The following DLG2 variants were observed in gnomAD, a reference collection of about 807,000 sequenced individuals.
DLG2 encodes discs large MAGUK scaffold protein 2, also known as disks large homolog 2.
Under a neutral mutation model 132.5 loss-of-function variants are expected in DLG2, and 45 were observed. The ratio of observed to expected loss-of-function variants is 0.34; its 90% CI spans 0.27 to 0.44. The LOEUF (loss-of-function observed/expected upper bound fraction) is 0.44, where lower values mean the gene tolerates loss of function less well. DLG2 is among the 20% of genes least tolerant of loss of function. The probability of loss-of-function intolerance (pLI) is 1.00; values close to 1 mark genes in which losing one functional copy is unlikely to be tolerated. For missense variants in DLG2, 1,045 were observed against 1,196.9 expected (o/e 0.87, Z 1.87); for synonymous variants, 424 against 419.6 (o/e 1.01, Z -0.13).
At chr11:84,830,978 T>C (rs1004776781) in intron 6 of DLG2, among the ~76,000 whole-genome samples, 1 of 95,420 alleles carries the variant, frequency 1.0e-5, no homozygotes, top group South Asian at 4.0e-4. Context: ...GCTCTGTCTC[T>C]ATTTCTTTTC....
chr11:85,208,771 C>T (rs574294457), intron 4 of DLG2, among the ~76,000 whole-genome samples: 132 of 152,136 alleles, frequency 8.7e-4, no homozygotes, highest in Non-Finnish European at 1.4e-3. Context: ...ACCAGGGAGT[C>T]CTTAGTAAGA....
intron 19 of DLG2, among the ~76,000 whole-genome samples, chr11:83,629,708 T>A (rs1194578927): frequency 1.3e-5 from 2 of 152,138 alleles, no homozygotes; most frequent in Non-Finnish European, 2.9e-5. Context: ...GAAAAGGATA[T>A]TTTAGAGTAG....
At chr11:84,779,177 C>CAG (rs2071236696) in intron 6 of DLG2, among the ~76,000 whole-genome samples, 1 of 148,650 alleles carries the variant, frequency 6.7e-6, no homozygotes, top group Admixed American at 6.8e-5. Context: ...TTCCCTTTCT[C>CAG]ATATATATAT....
intron 6 of DLG2, chr11:84,800,715 T>C (rs1174828561): frequency 6.6e-6 from 1 of 152,200 alleles, no homozygotes; most frequent in Non-Finnish European, 1.5e-5. Flanking sequence ...GTTTGTCTAA[T>C]TTATGGTTTC....
intron 21 of DLG2, among the ~76,000 whole-genome samples, chr11:83,523,151 A>G (rs1242637119): frequency 6.6e-6 from 1 of 152,312 alleles, no homozygotes; most frequent in South Asian, 2.1e-4. Context: ...CTGTAGGCCT[A>G]TTACTACAGA....
intron 18 of DLG2, among the ~76,000 whole-genome samples, chr11:83,762,326 C>T (rs1343064507): frequency 1.3e-5 from 2 of 152,220 alleles, no homozygotes; most frequent in Non-Finnish European, 2.9e-5. Context: ...CTTTCTGATG[C>T]TATGTGACAG....
In DLG2 at chr11:85,009,699, A is replaced by C. The variant is rs892919993; in HGVS notation, c.357+101962T>G. Among the ~76,000 whole-genome samples the C allele has an allele frequency of 3.3e-5, 5 of 152,118 alleles. No homozygotes were observed. In the East Asian group the frequency reaches 7.7e-4, roughly 23 times the overall value. On this transcript the variant is annotated intron_variant, in intron 6 of 27. Coordinates refer to ENST00000376104, the MANE Select transcript of DLG2 (RefSeq NM_001142699.3). ...GGATGTATATCAATTCCAGTTATACAAACGCCAAGAAGCTTATTTTAAACG... is the reference window on the plus strand; with the variant it reads ...GGATGTATATCAATTCCAGTTATACCAACGCCAAGAAGCTTATTTTAAACG...
chr11:85,340,685 C>T (rs139640745), intron 3 of DLG2, among the ~76,000 whole-genome samples: 95 of 152,196 alleles, frequency 6.2e-4, no homozygotes, highest in Non-Finnish European at 1.2e-3. Context: ...TAGCCCTTTG[C>T]CTGTGGTACA....
At chr11:84,403,637 C>T (rs543839211) in intron 7 of DLG2, among the ~76,000 whole-genome samples, 50 of 152,272 alleles carry the variant, frequency 3.3e-4, no homozygotes, top group Admixed American at 7.8e-4. Flanking sequence ...CCTTCAATGA[C>T]GCCTACTAGC....
chr11:85,564,800 A>C (rs2077439772), intron 3 of DLG2, among the ~76,000 whole-genome samples: 1 of 152,028 alleles, frequency 6.6e-6, no homozygotes, highest in African/African-American at 2.4e-5. Context: ...ATTTTGGTTG[A>C]CATTGCATAG....
At chr11:84,364,956 T>C (rs542872114) in intron 7 of DLG2, among the ~76,000 whole-genome samples, 7 of 152,282 alleles carry the variant, frequency 4.6e-5, no homozygotes, top group African/African-American at 1.4e-4. Flanking sequence ...TCATCAAGGA[T>C]ATTGGTCTAA....
intron 6 of DLG2, among the ~76,000 whole-genome samples, chr11:84,658,629 C>T (rs2099691031): frequency 6.6e-6 from 1 of 152,054 alleles, no homozygotes; most frequent in African/African-American, 2.4e-5. Flanking sequence ...TGAGTTAGTT[C>T]TCACTCTATT....
intron 19 of DLG2, among the ~76,000 whole-genome samples, chr11:83,608,733 C>CAGAGAG (rs35163308): frequency 6.7e-6 from 1 of 149,468 alleles, no homozygotes; most frequent in Non-Finnish European, 1.5e-5. Context: ...CGCACACACA[C>CAGAGAG]AGAGAGAGAG....
rs955553171 is a variant in DLG2 at position 83,826,056 on chromosome 11, A to G, written c.1722+7558T>C. Among the ~76,000 whole-genome samples, 31 of 151,064 alleles carry G rather than the reference A, an allele frequency of 2.1e-4. 1 individual carries two copies. Among genetic ancestry groups the G allele is most frequent in the African/African-American group, 6.6e-4 (27 of 40,860 alleles). On this transcript the variant is annotated intron_variant, in intron 17 of 27. Coordinates refer to ENST00000376104, the MANE Select transcript of DLG2 (RefSeq NM_001142699.3). ...CTGCAAAATTCTGTGGGCTGTGTTA[A>G]CAATTTTAGGCTTTAAGAACAGCAG...
chr11:85,154,504 A>T, intron 5 of DLG2, 52 bp downstream of exon 5: 1 of 900,956 alleles, frequency 1.1e-6, no homozygotes. Flanking sequence ...AAAGAACAAG[A>T]CAAGTCTTAC....
rs377654514 is a variant in DLG2, at chr11:84,605,841, T to C, written c.358-71110A>G. ...AGGTTTGCTCACTGATCTTTCATTA[T>C]ACTTTTCTTTCCCACATCTGCACCT... On this transcript the variant is annotated intron_variant, in intron 6 of 27. Transcript: ENST00000376104. 1.2e-4 allele frequency among the ~76,000 whole-genome samples: 18 copies of C among 152,172 alleles called. 1 individual carries two copies. The East Asian group carries it at 2.7e-3, about 23-fold the overall frequency.
intron 3 of DLG2, among the ~76,000 whole-genome samples, chr11:85,438,455 A>G (rs2091606162): frequency 6.6e-6 from 1 of 152,202 alleles, no homozygotes; most frequent in Non-Finnish European, 1.5e-5. Flanking sequence ...TTATAGACTT[A>G]CTTGCAATTG....
At chr11:84,651,322 A>G (rs1333981787) in intron 6 of DLG2, among the ~76,000 whole-genome samples, 2 of 152,112 alleles carry the variant, frequency 1.3e-5, no homozygotes, top group Non-Finnish European at 2.9e-5. Flanking sequence ...TGCACTCCAT[A>G]TCGTCTTAGA....
chr11:84,620,612 TAA>T (rs2099612175), intron 6 of DLG2, among the ~76,000 whole-genome samples: 1 of 152,026 alleles, frequency 6.6e-6, no homozygotes, highest in African/African-American at 2.4e-5. Context: ...GAATGCTGAA[TAA>T]AGATATTTTT....
Sources: gnomAD v4.1 joint callset for allele counts (sites outside exome capture counted in the v4.1 genomes callset) on GRCh38, gnomAD v4.1.1 for gene constraint, MANE v1.5 for transcripts, NCBI Gene and HGNC (gene_info 2026-07-23, HGNC 2026-07-21) for gene names.